The following GREB1L variants were observed in gnomAD, a reference collection of about 807,000 sequenced individuals.
The protein encoded by GREB1L is GREB1 like retinoic acid receptor coactivator.
A neutral mutation model predicts 200.8 loss-of-function variants in GREB1L; 17 were observed. The ratio of observed to expected loss-of-function variants is 0.08; its 90% CI spans 0.06 to 0.13. The LOEUF (loss-of-function observed/expected upper bound fraction) is 0.13. Among genes scored for constraint, GREB1L ranks in the 10% least tolerant of loss-of-function variants. The pLI is 1.00. For missense variants in GREB1L, 1,657 were observed against 2,367.7 expected (o/e 0.70, Z 6.23); for synonymous variants, 789 against 893.0 (o/e 0.88, Z 2.08).
chr18:21,376,612 G>A (rs1423336887), intron 2 of GREB1L, among the ~76,000 whole-genome samples: 1 of 151,226 alleles, frequency 6.6e-6, no homozygotes, highest in Admixed American at 6.6e-5. Flanking sequence ...AGACCATCCT[G>A]GCTAACACGG....
intron 16 of GREB1L, among the ~76,000 whole-genome samples, chr18:21,474,829 A>G (rs977726660): frequency 5.3e-5 from 8 of 152,156 alleles, no homozygotes; most frequent in Admixed American, 1.3e-4. Context: ...GGGGATTAAG[A>G]TTCCGCTCCT....
chr18:21,255,987 T>TA (rs1327894112), intron 1 of GREB1L, among the ~76,000 whole-genome samples: 2 of 152,222 alleles, frequency 1.3e-5, no homozygotes, highest in Non-Finnish European at 2.9e-5. Context: ...ATATGGATGA[T>TA]AGAGTATTTC....
chr18:21,345,362 A>C (rs1039649274), intron 1 of GREB1L, among the ~76,000 whole-genome samples: 2 of 152,194 alleles, frequency 1.3e-5, no homozygotes, highest in Non-Finnish European at 2.9e-5. Flanking sequence ...TGCCATGTCC[A>C]GGTAGGAGGC....
chr18:21,468,710 G>A (rs754398005), intron 15 of GREB1L: 66 of 456,452 alleles, frequency 1.4e-4, no homozygotes, highest in South Asian at 8.5e-4. Flanking sequence ...TCTTCATGTC[G>A]TTTTTCCTGT....
intron 1 of GREB1L, among the ~76,000 whole-genome samples, chr18:21,248,362 A>G (rs993909436): frequency 1.3e-5 from 2 of 152,212 alleles, no homozygotes; most frequent in Non-Finnish European, 2.9e-5. Context: ...GTGAATTTAA[A>G]TGTTGGCAAT....
chr18:21,376,310 G>C (rs2040067425), intron 2 of GREB1L, among the ~76,000 whole-genome samples: 1 of 151,374 alleles, frequency 6.6e-6, no homozygotes, highest in African/African-American at 2.4e-5. Flanking sequence ...GTAGAGACGG[G>C]GTTTTGCAAT....
intron 1 of GREB1L, among the ~76,000 whole-genome samples, chr18:21,362,338 G>GT (rs992075966): frequency 4.6e-5 from 7 of 151,692 alleles, no homozygotes; most frequent in African/African-American, 9.7e-5. Flanking sequence ...TAAAATTTGT[G>GT]TTTTTTTTGG....
chr18:21,425,157 A>C (rs967284707), intron 7 of GREB1L, among the ~76,000 whole-genome samples: 3 of 152,184 alleles, frequency 2.0e-5, no homozygotes, highest in African/African-American at 7.2e-5. Context: ...TTTGGGATAC[A>C]AGTTCTTTAT....
chr18:21,245,649 C>T (rs1317630360), intron 1 of GREB1L, among the ~76,000 whole-genome samples: 1 of 152,096 alleles, frequency 6.6e-6, no homozygotes, highest in Non-Finnish European at 1.5e-5. Flanking sequence ...TTAACTTAAG[C>T]CTTCCTGTTT....
intron 1 of GREB1L, among the ~76,000 whole-genome samples, chr18:21,268,498 TAC>T (rs1567914503): frequency 3.0e-5 from 4 of 134,456 alleles, no homozygotes; most frequent in African/African-American, 1.1e-4. Context: ...TGTATATATA[TAC>T]ATATATATAT....
chr18:21,371,097 T>G (rs954317842), intron 2 of GREB1L, among the ~76,000 whole-genome samples: 1 of 151,880 alleles, frequency 6.6e-6, no homozygotes, highest in African/African-American at 2.4e-5. Flanking sequence ...AAAAAAAAAA[T>G]TAATTACAAT....
At chr18:21,490,469 A>C (rs112066007) in intron 19 of GREB1L, 118 bp downstream of exon 19, 13 of 786,180 alleles carry the variant, frequency 1.7e-5, no homozygotes, top group African/African-American at 6.9e-5. Flanking sequence ...ATTCCATGAC[A>C]ATGATAAGGC....
chr18:21,330,567 C>T (rs1156287161), intron 1 of GREB1L, among the ~76,000 whole-genome samples: 2 of 152,160 alleles, frequency 1.3e-5, no homozygotes, highest in Non-Finnish European at 2.9e-5. Context: ...TTTTGCTCCT[C>T]CACTTGAAAC....
intron 2 of GREB1L, among the ~76,000 whole-genome samples, 157 bp downstream of exon 2, chr18:21,366,293 CCCCCATCCCCTT>C (rs1206359467): frequency 6.6e-6 from 1 of 152,022 alleles, no homozygotes; most frequent in Non-Finnish European, 1.5e-5. Context: ...CCTCTCCCCT[CCCCCATCCCCTT>C]ACCCCATACC....
At chr18:21,481,776 CATG>C (rs1291738092) in intron 17 of GREB1L, among the ~76,000 whole-genome samples, 1 of 152,082 alleles carries the variant, frequency 6.6e-6, no homozygotes, top group African/African-American at 2.4e-5. Flanking sequence ...CTTTGCTCAA[CATG>C]ATGTTTGTGA....
At chr18:21,279,363 T>A (rs1310341605) in intron 1 of GREB1L, among the ~76,000 whole-genome samples, 1 of 152,178 alleles carries the variant, frequency 6.6e-6, no homozygotes, top group African/African-American at 2.4e-5. Flanking sequence ...CATCTAATTA[T>A]ATGCCTAAAT....
At chr18:21,520,883 G>A in intron 32 of GREB1L, 60 bp downstream of exon 32, 1 of 1,411,660 alleles carries the variant, frequency 7.1e-7, no homozygotes, top group South Asian at 1.5e-5. Flanking sequence ...GCAAAATACA[G>A]AAGATAAAGA....
chr18:21,460,103 G>GA (rs1291305134), intron 15 of GREB1L, among the ~76,000 whole-genome samples: 1 of 152,194 alleles, frequency 6.6e-6, no homozygotes, highest in African/African-American at 2.4e-5. Context: ...ACTGTGTGGG[G>GA]AAAAATCAAC....
intron 1 of GREB1L, among the ~76,000 whole-genome samples, chr18:21,301,557 GA>G (rs1481851402): frequency 6.6e-6 from 1 of 152,192 alleles, no homozygotes; most frequent in African/African-American, 2.4e-5. Context: ...AGATGCTAGG[GA>G]AATTTTGGGA....
Sources: allele counts gnomAD v4.1 joint callset (sites outside exome capture counted in the v4.1 genomes callset), GRCh38; gene constraint gnomAD v4.1.1; transcripts MANE v1.5; gene names NCBI Gene and HGNC (gene_info 2026-07-23, HGNC 2026-07-21).